Variants in ATP2B4 observed in about 807,000 individuals in gnomAD.
ATP2B4 encodes ATPase plasma membrane Ca2+ transporting 4, also known as plasma membrane calcium-transporting ATPase 4.
Under a neutral mutation model 110.3 loss-of-function variants are expected in ATP2B4, and 39 were observed. The observed-to-expected ratio is 0.35, with a 90% CI of 0.27 to 0.46. ATP2B4 has a LOEUF of 0.46. ATP2B4 is among the 20% of genes least tolerant of loss of function. ATP2B4 has a pLI of 1.00. For synonymous variants in ATP2B4, 538 were observed against 571.7 expected (o/e 0.94, Z 0.84); for missense variants, 1,135 against 1,530.9 (o/e 0.74, Z 4.32).
At chr1:203,690,091 T>G (rs372019815) in intron 2 of ATP2B4, among the ~76,000 whole-genome samples, 1 of 152,192 alleles carries the variant, frequency 6.6e-6, no homozygotes, top group Admixed American at 6.5e-5. Context: ...AAAATGTGTT[T>G]TAAGACGGCC....
rs1162895859 is a variant in ATP2B4, at chr1:203,715,293, C to G, written c.2406+1016C>G. Among the ~76,000 whole-genome samples, 2 of 138,272 alleles carry G rather than the reference C, an allele frequency of 1.4e-5. 1 individual carries two copies. The highest frequency in any genetic ancestry group is 5.3e-5 in the African/African-American group (2 of 37,430). The allele number at this position is 138,272 out of a possible 152,430, so 90.7% of individuals were successfully genotyped here. The stretch of plus-strand genomic sequence containing the variant: ...CTGTCTCAAAAAACAAAAGAGATTC[C>G]CCCTCATTGACTATTTGATTACTCT... On this transcript the variant is annotated intron_variant, in intron 15 of 20. Coordinates refer to ENST00000357681, the MANE Select transcript of ATP2B4 (RefSeq NM_001684.5).
chr1:203,658,953 G>A (rs1448116099), intron 1 of ATP2B4, among the ~76,000 whole-genome samples: 8 of 150,606 alleles, frequency 5.3e-5, no homozygotes, highest in African/African-American at 1.5e-4. Flanking sequence ...GCAGTGAGCC[G>A]AGATCGCGCC....
chr1:203,657,405 A>C, intron 1 of ATP2B4: 1 of 755,094 alleles, frequency 1.3e-6, no homozygotes, highest in South Asian at 1.4e-5. Flanking sequence ...CCGTTTTCCC[A>C]CCTTCTCTTT....
chr1:203,718,897 T>C (rs6593900), intron 15 of ATP2B4, among the ~76,000 whole-genome samples: 2,428 of 152,186 alleles, frequency 0.016, 73 homozygotes, highest in African/African-American at 0.056. Context: ...GGCTACCAGA[T>C]CATTTATATC....
intron 1 of ATP2B4, among the ~76,000 whole-genome samples, chr1:203,636,363 A>C (rs1288596594): frequency 1.3e-5 from 2 of 151,786 alleles, no homozygotes; most frequent in African/African-American, 4.8e-5. Flanking sequence ...CGCTCTGGAG[A>C]GAGATTGAGT....
At chr1:203,627,683 A>T (rs1394554616) in intron 1 of ATP2B4, among the ~76,000 whole-genome samples, 1 of 151,742 alleles carries the variant, frequency 6.6e-6, no homozygotes, top group Non-Finnish European at 1.5e-5. Context: ...GGAAAAAAAA[A>T]AAAAAAAGGA....
chr1:203,653,884 T>C (rs1571684765), intron 1 of ATP2B4, among the ~76,000 whole-genome samples: 1 of 151,650 alleles, frequency 6.6e-6, no homozygotes, highest in Admixed American at 6.6e-5. Context: ...TTATGCTAAA[T>C]CTATTCTGCC....
At chr1:203,697,056 G>A (rs1239821188) in intron 2 of ATP2B4, among the ~76,000 whole-genome samples, 1 of 152,168 alleles carries the variant, frequency 6.6e-6, no homozygotes, top group African/African-American at 2.4e-5. Flanking sequence ...CTGAGTAGTA[G>A]TACTTCCCTT....
intron 2 of ATP2B4, 70 bp from the exon 3 acceptor site, chr1:203,698,087 A>G: frequency 2.5e-5 from 34 of 1,379,602 alleles, no homozygotes; most frequent in Non-Finnish European, 3.4e-5. Flanking sequence ...GCTCACTGCC[A>G]CTTCAAAACT....
chr1:203,660,337 G>A lies in ATP2B4; in HGVS notation c.-464-22405G>A, dbSNP rs1664298190. Among the ~76,000 whole-genome samples the A allele has an allele frequency of 2.0e-5, 3 of 152,304 alleles. No individual in the cohort carries two copies. The South Asian group carries it at 6.2e-4, about 32-fold the overall frequency. The stretch of plus-strand genomic sequence containing the variant: ...CTCAGTTCCTTCAGTTGTTGAAAGA[G>A]GATAAAAATAGCTATCACAAAAGGT... On this transcript the variant is annotated intron_variant, in intron 1 of 20. Coordinates refer to ENST00000357681, the MANE Select transcript of ATP2B4 (RefSeq NM_001684.5).
At chr1:203,691,490 G>A (rs1426247255) in intron 2 of ATP2B4, among the ~76,000 whole-genome samples, 1 of 152,072 alleles carries the variant, frequency 6.6e-6, no homozygotes, top group Non-Finnish European at 1.5e-5. Flanking sequence ...TTTTTTCCCT[G>A]GGCCACAGTT....
intron 20 of ATP2B4, chr1:203,733,610 CT>C: frequency 2.0e-6 from 1 of 488,454 alleles, no homozygotes; most frequent in Non-Finnish European, 3.5e-6. Flanking sequence ...GCTATTAAAC[CT>C]TAACTGTTTT....
Position 203,685,147 on chromosome 1 carries a change from G to A in ATP2B4, c.193+1749G>A, listed in dbSNP as rs116899109. ...ATTACAGGTATGAGCCACTGCGCCC[G>A]GCCTTAATCTCTTCTTAAAAGCTAA... On this transcript the variant is annotated intron_variant, in intron 2 of 20. Coordinates refer to ENST00000357681, the MANE Select transcript of ATP2B4 (RefSeq NM_001684.5). Among the ~76,000 whole-genome samples the A allele has an allele frequency of 6.8e-4, 103 of 152,234 alleles. No individual in the cohort carries two copies. The East Asian group carries it at 0.017, about 25-fold the overall frequency.
chr1:203,670,475 G>A (rs969329669), intron 1 of ATP2B4, among the ~76,000 whole-genome samples: 1 of 152,190 alleles, frequency 6.6e-6, no homozygotes, highest in East Asian at 1.9e-4. Flanking sequence ...CACTGCGCCC[G>A]GCCGAGTTCA....
At chr1:203,726,369 T>C in intron 19 of ATP2B4, among the ~76,000 whole-genome samples, 1 of 151,168 alleles carries the variant, frequency 6.6e-6, no homozygotes, top group South Asian at 2.1e-4. Flanking sequence ...CACCCAGCCC[T>C]CCCTAATTAA....
Position 203,703,777 on chromosome 1 carries a change from A to C in ATP2B4, c.1063A>C (p.Lys355Gln), listed in dbSNP as rs1665764515. 6.2e-7 allele frequency: 1 copy of C among 1,614,164 alleles called. No homozygotes were observed. The change falls in exon 8 of 21, where the codon AAG becomes CAG. Residue 355 changes from lysine to glutamine, a missense_variant. Coordinates refer to ENST00000357681, the MANE Select transcript of ATP2B4 (RefSeq NM_001684.5). ...AAAGGAGAAGTCAGTGCTGCAGGGC[A>C]AGCTGACTCGCCTGGCTGTTCAGAT... is the stretch of plus-strand genomic sequence containing the variant. ...PKKEKSVLQG[K>Q]LTRLAVQIGK...
At chr1:203,730,076 G>A (rs574374636) in intron 20 of ATP2B4, among the ~76,000 whole-genome samples, 2 of 152,212 alleles carry the variant, frequency 1.3e-5, no homozygotes, top group East Asian at 1.9e-4. Flanking sequence ...AGGAGACCAA[G>A]GAGGATGCTG....
At chr1:203,733,328 T>G in intron 20 of ATP2B4, 1 of 1,614,174 alleles carries the variant, frequency 6.2e-7, no homozygotes, top group Non-Finnish European at 8.5e-7. Flanking sequence ...TAGTTCATCC[T>G]ATGTAGCAGT....
At chr1:203,672,354 T>C (rs1664696612) in intron 1 of ATP2B4, among the ~76,000 whole-genome samples, 1 of 85,176 alleles carries the variant, frequency 1.2e-5, no homozygotes, top group Non-Finnish European at 2.6e-5. Flanking sequence ...TTTTTTTTTT[T>C]TTAAAGCTGA....
Sources: allele counts gnomAD v4.1 joint callset (sites outside exome capture counted in the v4.1 genomes callset), GRCh38; gene constraint gnomAD v4.1.1; transcripts MANE v1.5; gene names NCBI Gene and HGNC (gene_info 2026-07-23, HGNC 2026-07-21).